Variants in DLGAP2 observed in about 807,000 individuals in gnomAD.
The protein encoded by DLGAP2 is DLG associated protein 2, also known as disks large-associated protein 2.
A neutral mutation model predicts 100.3 loss-of-function variants in DLGAP2; 26 were observed. The ratio of observed to expected loss-of-function variants is 0.26; its 90% CI spans 0.19 to 0.36. The LOEUF (loss-of-function observed/expected upper bound fraction) is 0.36, where lower values mean the gene tolerates loss of function less well. DLGAP2 is among the 10% of genes least tolerant of loss of function. The probability of loss-of-function intolerance (pLI) is 1.00; values close to 1 mark genes in which losing one functional copy is unlikely to be tolerated. For synonymous variants in DLGAP2, 886 were observed against 630.1 expected, an observed-to-expected ratio of 1.41 and a Z score of -6.08; for missense variants, 1,858 against 1,453.2, an observed-to-expected ratio of 1.28 and a Z score of -4.53.
chr8:1,696,279 T>G (rs750819548), intron 13 of DLGAP2, among the ~76,000 whole-genome samples: 7 of 152,100 alleles, frequency 4.6e-5, no homozygotes, highest in Admixed American at 4.6e-4. Context: ...GGCAAGAGGG[T>G]TGCTTGAGCC....
chr8:751,785 C>G (rs1189136559), intron 1 of DLGAP2, among the ~76,000 whole-genome samples: 2 of 152,048 alleles, frequency 1.3e-5, no homozygotes, highest in Non-Finnish European at 2.9e-5. Context: ...GTAAGTTCAT[C>G]TGACATTTTA....
intron 3 of DLGAP2, among the ~76,000 whole-genome samples, chr8:1,281,679 A>G (rs1461150639): frequency 6.6e-6 from 1 of 152,102 alleles, no homozygotes; most frequent in Non-Finnish European, 1.5e-5. Context: ...CATGAAATTC[A>G]GCTCCCCACA....
chr8:1,649,150 G>A lies in DLGAP2; in HGVS notation c.1810+16104G>A, dbSNP rs540957112. Among the ~76,000 whole-genome samples the A allele has an allele frequency of 3.0e-3, 464 of 152,284 alleles. 1 individual carries two copies. Among genetic ancestry groups the A allele is most frequent in the Admixed American group, 6.9e-3 (106 of 15,300 alleles). On this transcript the variant is annotated intron_variant, in intron 8 of 14. Coordinates refer to ENST00000637795, the MANE Select transcript of DLGAP2 (RefSeq NM_001346810.2). Reference sequence around the variant, plus strand: ...ATTTGAATAACTGCCTTTACCTAAAGCTTAAGATGTCCAAAAGCCAATGCT... The same window carrying A: ...ATTTGAATAACTGCCTTTACCTAAAACTTAAGATGTCCAAAAGCCAATGCT...
chr8:1,354,508 G>A (rs75016313), intron 3 of DLGAP2, among the ~76,000 whole-genome samples: 8 of 152,164 alleles, frequency 5.3e-5, no homozygotes, highest in East Asian at 1.9e-4. Context: ...GCGAGACACT[G>A]TCTCAGAAAA....
intron 2 of DLGAP2, among the ~76,000 whole-genome samples, chr8:1,163,481 T>C (rs1413908970): frequency 1.3e-5 from 2 of 152,194 alleles, no homozygotes; most frequent in Admixed American, 6.5e-5. Flanking sequence ...TGGATGCCAG[T>C]GACAATTATT....
chr8:824,062 C>A (rs1157864927), intron 1 of DLGAP2, among the ~76,000 whole-genome samples: 1 of 150,746 alleles, frequency 6.6e-6, no homozygotes, highest in African/African-American at 2.4e-5. Flanking sequence ...CTTCTTCTTC[C>A]TCCTCTTCCT....
At chr8:922,682 C>G (rs1389752289) in intron 2 of DLGAP2, among the ~76,000 whole-genome samples, 3 of 152,166 alleles carry the variant, frequency 2.0e-5, no homozygotes, top group Non-Finnish European at 4.4e-5. Flanking sequence ...TTTTAATACC[C>G]TCCCTTTAAA....
intron 1 of DLGAP2, among the ~76,000 whole-genome samples, chr8:825,067 G>A (rs1457449142): frequency 6.6e-6 from 1 of 152,194 alleles, no homozygotes; most frequent in African/African-American, 2.4e-5. Flanking sequence ...ACATCCTGCA[G>A]GAGCCGGCTT....
chr8:967,251 T>G (rs986993488), intron 2 of DLGAP2, among the ~76,000 whole-genome samples: 1 of 152,196 alleles, frequency 6.6e-6, no homozygotes, highest in African/African-American at 2.4e-5. Flanking sequence ...CCCATGTTAG[T>G]TTTTCCTAAA....
intron 2 of DLGAP2, among the ~76,000 whole-genome samples, chr8:1,171,822 C>T (rs1458745943): frequency 6.6e-6 from 1 of 152,126 alleles, no homozygotes; most frequent in Non-Finnish European, 1.5e-5. Flanking sequence ...ACTGATGGGT[C>T]TTGACTCTTT....
rs1350766825 is a variant in DLGAP2 at position 1,707,598 on chromosome 8, C to T, written c.*6192C>T. On this transcript the variant is annotated 3_prime_UTR_variant, in exon 15 of 15. Transcript: ENST00000637795. ...GAACGCTTCCTTCCGAACGGTAAGC[C>T]ACTTCGCTCTCGGGCAGGACAGGTC... 6.6e-6 allele frequency: 1 copy of T among 152,094 alleles called. No homozygotes were observed. Among genetic ancestry groups the T allele is most frequent in the African/African-American group, 2.4e-5 (1 of 41,400 alleles). 9.4% of individuals were successfully genotyped at this position (152,094 alleles called of 1,614,324 possible).
chr8:1,361,707 C>G (rs1405325064), intron 3 of DLGAP2, among the ~76,000 whole-genome samples: 1 of 152,202 alleles, frequency 6.6e-6, no homozygotes, highest in Non-Finnish European at 1.5e-5. Flanking sequence ...CGCGCAAGGC[C>G]CTACACGGTA....
chr8:1,486,211 T>C (rs1330970010), intron 3 of DLGAP2, among the ~76,000 whole-genome samples: 4 of 152,136 alleles, frequency 2.6e-5, no homozygotes, highest in African/African-American at 9.7e-5. Flanking sequence ...CTTTCATTAC[T>C]TGCCCCAGAT....
At chr8:1,060,733 C>T (rs968404451) in intron 2 of DLGAP2, among the ~76,000 whole-genome samples, 3 of 152,228 alleles carry the variant, frequency 2.0e-5, no homozygotes, top group Non-Finnish European at 2.9e-5. Context: ...ATGACTGCCC[C>T]ACATTTCAGG....
At chr8:1,172,355 A>G (rs1797147259) in intron 2 of DLGAP2, among the ~76,000 whole-genome samples, 1 of 151,444 alleles carries the variant, frequency 6.6e-6, no homozygotes, top group East Asian at 1.9e-4. Context: ...TCTGACCATT[A>G]TGTGTCTTGG....
rs574645793 is a variant in DLGAP2, at chr8:1,674,920, C to A, written c.2203-1613C>A. On this transcript the variant is annotated intron_variant, in intron 10 of 14. Transcript: ENST00000637795. ...GTATTAATTGTATTACAATCCTTTGCGTAAAATAACACTGATCATGTTTAT... is the reference window on the plus strand; with the variant it reads ...GTATTAATTGTATTACAATCCTTTGAGTAAAATAACACTGATCATGTTTAT... 6.6e-5 allele frequency among the ~76,000 whole-genome samples: 10 copies of A among 152,302 alleles called. No individual in the cohort carries two copies. In the South Asian group the frequency reaches 2.1e-3, roughly 32 times the overall value.
At chr8:1,283,009 C>T (rs1799849307) in intron 3 of DLGAP2, among the ~76,000 whole-genome samples, 1 of 127,716 alleles carries the variant, frequency 7.8e-6, no homozygotes, top group Non-Finnish European at 1.6e-5. Context: ...ACCATACGGA[C>T]ATGGTGTGAC....
At chr8:774,177 C>G (rs1821446573) in intron 1 of DLGAP2, among the ~76,000 whole-genome samples, 1 of 152,194 alleles carries the variant, frequency 6.6e-6, no homozygotes, top group African/African-American at 2.4e-5. Context: ...TGTCCTTCAC[C>G]TACTTTTTGA....
chr8:1,581,828 A>G (rs977268995), intron 6 of DLGAP2, among the ~76,000 whole-genome samples: 2 of 151,840 alleles, frequency 1.3e-5, no homozygotes, highest in South Asian at 4.2e-4. Context: ...CAGTCAAACT[A>G]CCAGAAGTGA....
Sources: gnomAD v4.1 joint callset for allele counts (sites outside exome capture counted in the v4.1 genomes callset) on GRCh38, gnomAD v4.1.1 for gene constraint, MANE v1.5 for transcripts, NCBI Gene and HGNC (gene_info 2026-07-23, HGNC 2026-07-21) for gene names.